GOLGA5: variants seen among roughly 807,000 people sequenced by gnomAD.
The protein encoded by GOLGA5 is golgin A5.
A neutral mutation model predicts 93.5 loss-of-function variants in GOLGA5; 50 were observed. The observed-to-expected ratio is 0.53, with a 90% CI of 0.43 to 0.68. The LOEUF (loss-of-function observed/expected upper bound fraction) is 0.68. Ranked by LOEUF, GOLGA5 falls within the 30% of genes least tolerant of loss-of-function variation. The pLI is 0.00. For synonymous variants in GOLGA5, 312 were observed against 304.5 expected (o/e 1.02, Z -0.26); for missense variants, 760 against 856.4 (o/e 0.89, Z 1.40).
chr14:92,799,561 G>A (rs759065318), intron 2 of GOLGA5, among the ~76,000 whole-genome samples: 1 of 151,214 alleles, frequency 6.6e-6, no homozygotes, highest in Non-Finnish European at 1.5e-5. Flanking sequence ...TGGGATTACA[G>A]GCGTGAGCCA....
At chr14:92,812,300 T>C (rs1844440053) in intron 6 of GOLGA5, among the ~76,000 whole-genome samples, 1 of 152,194 alleles carries the variant, frequency 6.6e-6, no homozygotes, top group South Asian at 2.1e-4. Context: ...TCCCATCTCA[T>C]GTGTAAGCCC....
chr14:92,819,611 T>C, intron 7 of GOLGA5, 97 bp from the exon 8 acceptor site: 1 of 1,140,212 alleles, frequency 8.8e-7, no homozygotes, highest in East Asian at 2.5e-5. Flanking sequence ...CCAGCCTGGG[T>C]GACGTGAGAC....
Position 92,797,774 on chromosome 14 carries a change from A to G in GOLGA5, c.337A>G (p.Arg113Gly). The G allele has an allele frequency of 1.2e-6, 2 of 1,613,756 alleles. No homozygotes were observed. The highest frequency in any genetic ancestry group is 1.7e-6 in the Non-Finnish European group (2 of 1,179,874). The change falls in exon 2 of 13, where the codon AGA becomes GGA. Residue 113 changes from arginine to glycine, a missense_variant. Coordinates refer to ENST00000163416, the MANE Select transcript of GOLGA5 (RefSeq NM_005113.4). ...VPRPSSHFVRRKKSEPDDELL... is the reference protein window; with the variant it reads ...VPRPSSHFVRGKKSEPDDELL... ...TAGGCCTTCATCCCATTTTGTGCGA[A>G]GAAAAAAGTCAGAACCTGATGATGA... is the stretch of plus-strand genomic sequence containing the variant.
At chr14:92,820,691 G>T (rs1320145005) in intron 8 of GOLGA5, among the ~76,000 whole-genome samples, 1 of 152,218 alleles carries the variant, frequency 6.6e-6, no homozygotes, top group Non-Finnish European at 1.5e-5. Context: ...TTTCCGCAGT[G>T]CATTGTGCCC....
intron 2 of GOLGA5, among the ~76,000 whole-genome samples, chr14:92,803,510 A>G (rs1159802943): frequency 6.6e-6 from 1 of 152,216 alleles, no homozygotes; most frequent in Non-Finnish European, 1.5e-5. Context: ...ACTCTGTGCT[A>G]AAACCATCAG....
chr14:92,810,174 C>A, intron 4 of GOLGA5, 80 bp from the exon 5 acceptor site: 1 of 955,538 alleles, frequency 1.0e-6, no homozygotes, highest in African/African-American at 1.7e-5. Flanking sequence ...TTGACTAAAG[C>A]TGACGCTCTA....
At chr14:92,837,128 A>G (rs1039261750) in intron 11 of GOLGA5, among the ~76,000 whole-genome samples, 2 of 152,148 alleles carry the variant, frequency 1.3e-5, no homozygotes, top group African/African-American at 4.8e-5. Flanking sequence ...CTGTAGAATT[A>G]AGAGAAATAC....
intron 2 of GOLGA5, among the ~76,000 whole-genome samples, chr14:92,798,618 T>C (rs1884791159): frequency 6.6e-6 from 1 of 152,228 alleles, no homozygotes; most frequent in Non-Finnish European, 1.5e-5. Flanking sequence ...CTACTAACTG[T>C]TTTAAAATAG....
In GOLGA5 at chr14:92,835,581, T is replaced by C. The variant is rs781680452; in HGVS notation, c.1968T>C (p.Pro656=). 2.5e-6 allele frequency: 4 copies of C among 1,612,842 alleles called. No individual in the cohort carries two copies. In the East Asian group the frequency reaches 8.9e-5, roughly 36 times the overall value. ...NGEGTRLRNV[P]VLFNDTETNL... ...CAGGCACTCGTCTGCGAAATGTTCCTGTTCTTTTTAATGACACAGAAACTA... is the reference window on the plus strand; with the variant it reads ...CAGGCACTCGTCTGCGAAATGTTCCCGTTCTTTTTAATGACACAGAAACTA... Residue 656 remains proline, a synonymous_variant, in exon 11 of 13, where the codon CCT becomes CCC. Coordinates refer to ENST00000163416, the MANE Select transcript of GOLGA5 (RefSeq NM_005113.4).
intron 2 of GOLGA5, among the ~76,000 whole-genome samples, chr14:92,803,607 T>G (rs1884920184): frequency 6.6e-6 from 1 of 152,158 alleles, no homozygotes; most frequent in Non-Finnish European, 1.5e-5. Flanking sequence ...GTAAGTTACG[T>G]TTTTTTCCCC....
intron 9 of GOLGA5, among the ~76,000 whole-genome samples, chr14:92,830,662 C>T (rs770835661): frequency 6.6e-6 from 1 of 152,072 alleles, no homozygotes; most frequent in Non-Finnish European, 1.5e-5. Flanking sequence ...TGCAGTGGTG[C>T]GATCACAGCT....
chr14:92,837,310 A>C, intron 11 of GOLGA5, 76 bp from the exon 12 acceptor site: 1 of 734,396 alleles, frequency 1.4e-6, no homozygotes, highest in Non-Finnish European at 2.4e-6. Flanking sequence ...CAGCATCATT[A>C]GATATTACCA....
At chr14:92,818,950 T>C (rs9972175) in intron 7 of GOLGA5, among the ~76,000 whole-genome samples, 122,813 of 152,142 alleles carry the variant, frequency 0.81, 50,105 homozygotes, top group African/African-American at 0.91. Flanking sequence ...AGTAATAAAG[T>C]AATAAAGCTA....
chr14:92,797,929 T>C lies in GOLGA5; in HGVS notation c.492T>C (p.Ser164=), dbSNP rs1420822335. The C allele has an allele frequency of 1.1e-5, 18 of 1,604,558 alleles. No homozygotes were observed. Among genetic ancestry groups the C allele is most frequent in the Non-Finnish European group, 1.4e-5 (17 of 1,177,564 alleles). Residue 164 remains serine, a synonymous_variant, in exon 2 of 13, where the codon AGT becomes AGC. Coordinates refer to ENST00000163416, the MANE Select transcript of GOLGA5 (RefSeq NM_005113.4). ...CAAGTGTCAGTTCTGTGAACCCCAG[T>C]GTAACCACCATCAAAACCATTGAAG... ...QTSSVSSVNP[S]VTTIKTIEEN...
intron 1 of GOLGA5, among the ~76,000 whole-genome samples, chr14:92,794,902 C>T (rs1884687205): frequency 6.7e-6 from 1 of 149,398 alleles, no homozygotes; most frequent in Non-Finnish European, 1.5e-5. Flanking sequence ...CACTCTCTGC[C>T]CCTGGGCAGT....
intron 1 of GOLGA5, among the ~76,000 whole-genome samples, chr14:92,796,842 T>C (rs3993868): frequency 0.47 from 18,876 of 40,418 alleles, 7,586 homozygotes; most frequent in African/African-American, 0.69. Flanking sequence ...CGGTGGCGGG[T>C]GCCTGTAGTC....
chr14:92,834,352 C>T (rs1885595031), intron 10 of GOLGA5, among the ~76,000 whole-genome samples: 1 of 151,962 alleles, frequency 6.6e-6, no homozygotes, highest in Non-Finnish European at 1.5e-5. Flanking sequence ...TCCCTCCTCC[C>T]CCCTCCCCCA....
intron 7 of GOLGA5, among the ~76,000 whole-genome samples, chr14:92,818,275 C>T (rs1181485186): frequency 6.6e-6 from 1 of 152,166 alleles, no homozygotes; most frequent in Non-Finnish European, 1.5e-5. Context: ...GTTTACTGAG[C>T]ACGTATGTTC....
rs536113860 is a variant in GOLGA5 at position 92,822,024 on chromosome 14, A to G, written c.1620+2188A>G. On this transcript the variant is annotated intron_variant, in intron 8 of 12. Transcript: ENST00000163416. ...ATGGAGCTTAATGTAGCTGTGGGCT[A>G]TTTATTTAGTATATGTTCCAAATGG... 3.3e-5 allele frequency among the ~76,000 whole-genome samples: 5 copies of G among 152,304 alleles called. No individual in the cohort carries two copies. In the East Asian group the frequency reaches 5.8e-4, roughly 18 times the overall value.
Sources: gnomAD v4.1 joint callset for allele counts (sites outside exome capture counted in the v4.1 genomes callset) on GRCh38, gnomAD v4.1.1 for gene constraint, MANE v1.5 for transcripts, NCBI Gene and HGNC (gene_info 2026-07-23, HGNC 2026-07-21) for gene names.